VRK1: variants seen among roughly 807,000 people sequenced by gnomAD.
VRK1 encodes the protein VRK serine/threonine kinase 1, also known as serine/threonine-protein kinase VRK1.
A neutral mutation model predicts 57.1 loss-of-function variants in VRK1; 33 were observed. The ratio of observed to expected loss-of-function variants is 0.58; its 90% confidence interval spans 0.44 to 0.77. VRK1 has a LOEUF of 0.77. Among genes scored for constraint, VRK1 ranks in the 30% least tolerant of loss-of-function variants. The probability of loss-of-function intolerance (pLI) is 0.00; values close to 1 mark genes in which losing one functional copy is unlikely to be tolerated. For missense variants in VRK1, 413 were observed against 477.3 expected, an observed-to-expected ratio of 0.87 and a Z score of 1.25; for synonymous variants, 137 against 147.8, an observed-to-expected ratio of 0.93 and a Z score of 0.53.
intron 1 of VRK1, among the ~76,000 whole-genome samples, chr14:96,827,187 AG>A (rs1886830667): frequency 6.6e-6 from 1 of 152,028 alleles, no homozygotes; most frequent in South Asian, 2.1e-4. Context: ...AAATTTTGTC[AG>A]TTTACTTTGT....
At chr14:96,807,491 G>A in intron 1 of VRK1, among the ~76,000 whole-genome samples, 1 of 152,258 alleles carries the variant, frequency 6.6e-6, no homozygotes, top group Non-Finnish European at 1.5e-5. Flanking sequence ...GTAGTGCTTT[G>A]AATTGAATTC....
rs1480071646 is a variant in VRK1, at chr14:96,877,813, TTTGTTTTG to T, written c.1159+1694_1159+1701del. 3.7e-5 allele frequency: 15 copies of T among 403,518 alleles called. 1 individual carries two copies. Among genetic ancestry groups the T allele is most frequent in the African/African-American group, 3.0e-4 (14 of 46,102 alleles). 25.0% of individuals were successfully genotyped at this position (403,518 alleles called of 1,614,324 possible). ...CTTTGCTTAATGAGCATCAAGCGTT[TTTGTTTTG>T]ATAGATAAATGCCTTTAAATTCTAG... On this transcript the variant is annotated intron_variant, in intron 12 of 12. Transcript: ENST00000216639.
intron 2 of VRK1, 131 bp downstream of exon 2, chr14:96,833,762 G>A: frequency 1.5e-6 from 2 of 1,307,724 alleles, no homozygotes; most frequent in Non-Finnish European, 2.1e-6. Flanking sequence ...TTCTGATTAA[G>A]CAAAAATGCA....
intron 1 of VRK1, among the ~76,000 whole-genome samples, chr14:96,829,695 A>G (rs748920317): frequency 6.6e-6 from 1 of 152,184 alleles, no homozygotes; most frequent in African/African-American, 2.4e-5. Flanking sequence ...AAGTATCACA[A>G]TATGATTTCT....
intron 12 of VRK1, chr14:96,877,614 G>A (rs1889096850): frequency 1.6e-6 from 2 of 1,286,496 alleles, no homozygotes; most frequent in African/African-American, 3.0e-5. Flanking sequence ...TAAATATACA[G>A]CAATATTCTT....
chr14:96,805,285 T>C (rs1885826516), intron 1 of VRK1, among the ~76,000 whole-genome samples: 1 of 152,180 alleles, frequency 6.6e-6, no homozygotes, highest in African/African-American at 2.4e-5. Flanking sequence ...AGGGAAGAAT[T>C]TCCGGACAGT....
chr14:96,808,002 C>CCTCTCTCCGTGTCTCTCTCT (rs149250994), intron 1 of VRK1, among the ~76,000 whole-genome samples: 1 of 118,140 alleles, frequency 8.5e-6, no homozygotes, highest in Non-Finnish European at 1.7e-5. Flanking sequence ...TCCCTCTCTC[C>CCTCTCTCCGTGTCTCTCTCT]CTCTCTCTCT....
intron 1 of VRK1, among the ~76,000 whole-genome samples, chr14:96,808,019 G>GTCTCTCTCTCTCTCTCTCTCTCCCTC (rs1566683621): frequency 3.2e-3 from 110 of 34,226 alleles, no homozygotes; most frequent in African/African-American, 7.3e-3. Context: ...CTCTCCCTCT[G>GTCTCTCTCTCTCTCTCTCTCTCCCTC]TGTGTGTGTG....
At chr14:96,822,982 G>A (rs939592343) in intron 1 of VRK1, among the ~76,000 whole-genome samples, 4 of 152,180 alleles carry the variant, frequency 2.6e-5, no homozygotes, top group Middle Eastern at 6.8e-3. Flanking sequence ...TGCACAACTC[G>A]TCCCTCTGCC....
intron 1 of VRK1, among the ~76,000 whole-genome samples, chr14:96,800,789 C>T (rs1489262005): frequency 2.6e-5 from 4 of 151,820 alleles, no homozygotes; most frequent in South Asian, 4.2e-4. Flanking sequence ...GAATATTAAA[C>T]GTGTATACTA....
intron 5 of VRK1, among the ~76,000 whole-genome samples, chr14:96,847,643 T>C (rs1326983915): frequency 6.6e-6 from 1 of 151,048 alleles, no homozygotes; most frequent in Non-Finnish European, 1.5e-5. Context: ...ACCCTGCCTT[T>C]TTTTCCTCCT....
rs533899415 is a variant in VRK1, at chr14:96,856,023, A to G, written c.710-107A>G. On this transcript the variant is annotated intron_variant, in intron 8 of 12. Transcript: ENST00000216639. Reference sequence around the variant, plus strand: ...ATGCAGTCAAAATTTTATGATGAAAAACAGACTGTGGAGTTGACTTGTTTT... The same window carrying G: ...ATGCAGTCAAAATTTTATGATGAAAGACAGACTGTGGAGTTGACTTGTTTT... 2.9e-6 allele frequency: 4 copies of G among 1,357,352 alleles called. No homozygotes were observed. In the East Asian group the frequency reaches 7.8e-5, roughly 26 times the overall value. 84.1% of individuals were successfully genotyped at this position (1,357,352 alleles called of 1,614,324 possible).
intron 10 of VRK1, 46 bp from the exon 11 acceptor site, chr14:96,860,511 A>T (rs1888342077): frequency 6.4e-7 from 1 of 1,552,154 alleles, no homozygotes; most frequent in African/African-American, 1.4e-5. Context: ...TAGAGGTTAG[A>T]GAGAAATATA....
intron 1 of VRK1, among the ~76,000 whole-genome samples, chr14:96,818,764 T>G (rs1358316368): frequency 6.6e-6 from 1 of 152,154 alleles, no homozygotes; most frequent in African/African-American, 2.4e-5. Context: ...GGCAGTTTCC[T>G]TAGGTTTTTT....
intron 1 of VRK1, among the ~76,000 whole-genome samples, chr14:96,818,955 C>T (rs184209876): frequency 1.3e-5 from 2 of 152,268 alleles, no homozygotes; most frequent in East Asian, 3.9e-4. Context: ...GATTTCTTAG[C>T]ACTAATCAAA....
At chr14:96,835,615 T>C (rs1255673304) in intron 2 of VRK1, among the ~76,000 whole-genome samples, 1 of 152,216 alleles carries the variant, frequency 6.6e-6, no homozygotes, top group Non-Finnish European at 1.5e-5. Context: ...CTAAAACTTG[T>C]ATCATCATCA....
intron 1 of VRK1, among the ~76,000 whole-genome samples, chr14:96,828,221 A>G (rs1482791200): frequency 1.3e-5 from 2 of 152,138 alleles, no homozygotes; most frequent in Non-Finnish European, 1.5e-5. Context: ...ATTCTTGTAC[A>G]TGTCTTTGGG....
Position 96,855,252 on chromosome 14 carries a change from A to G in VRK1, c.605A>G (p.Tyr202Cys), listed in dbSNP as rs200533671. ...QVYLVDYGLA[Y>C]RYCPEGVHKE... is the part of the protein sequence containing the mutation. ...TACTTGGTAGATTATGGCCTTGCTT[A>G]TCGGTACTGCCCAGAAGGAGTTCAT... Residue 202 changes from tyrosine (Y) to cysteine (C), a missense_variant, in exon 8 of 13, where the codon TAT becomes TGT. Around this residue, in one of 3 missense-constraint regions of VRK1, gnomAD observed 151 missense variants for 225.5 expected, o/e 0.67. Transcript: ENST00000216639. The G allele has an allele frequency of 6.2e-7, 1 of 1,614,050 alleles. No individual in the cohort carries two copies. Among genetic ancestry groups the G allele is most frequent in the African/African-American group, 1.3e-5 (1 of 75,022 alleles).
intron 3 of VRK1, among the ~76,000 whole-genome samples, chr14:96,843,908 C>A (rs1285256480): frequency 6.6e-6 from 1 of 152,078 alleles, no homozygotes; most frequent in African/African-American, 2.4e-5. Flanking sequence ...TTATAATAGC[C>A]TGATTTATAT....
Sources: allele counts gnomAD v4.1 joint callset (sites outside exome capture counted in the v4.1 genomes callset), GRCh38; gene constraint gnomAD v4.1.1; regional missense constraint gnomAD v4.1.1; transcripts MANE v1.5; gene names NCBI Gene and HGNC (gene_info 2026-07-23, HGNC 2026-07-21).